The following ZC3H3 variants were observed in gnomAD, a reference collection of about 807,000 sequenced individuals.
The protein encoded by ZC3H3 is zinc finger CCCH domain-containing protein 3.
In ZC3H3, 36 loss-of-function variants were observed where a neutral mutation model predicts 77.3. The observed-to-expected ratio is 0.47, with a 90% CI of 0.36 to 0.61. The LOEUF (loss-of-function observed/expected upper bound fraction) is 0.61. Ranked by LOEUF, ZC3H3 falls within the 20% of genes least tolerant of loss-of-function variation. The probability of loss-of-function intolerance (pLI) is 0.00; values close to 1 mark genes in which losing one functional copy is unlikely to be tolerated. For missense variants in ZC3H3, 1,331 were observed against 1,312.2 expected (o/e 1.01, Z -0.22); for synonymous variants, 626 against 555.2 (o/e 1.13, Z -1.79).
chr8:143,511,903 C>G (rs1373286742), intron 3 of ZC3H3, among the ~76,000 whole-genome samples: 2 of 152,262 alleles, frequency 1.3e-5, no homozygotes, highest in Non-Finnish European at 2.9e-5. Flanking sequence ...TTCATCCCAG[C>G]TGGGGAGCGG....
rs781101838 is a variant in ZC3H3 at position 143,441,943 on chromosome 8, G to A, written c.2308-823C>T. Among the ~76,000 whole-genome samples the A allele has an allele frequency of 4.6e-5, 7 of 152,320 alleles. No homozygotes were observed. The East Asian group carries it at 9.6e-4, about 21-fold the overall frequency. On this transcript the variant is annotated intron_variant, in intron 9 of 11. Coordinates refer to ENST00000262577, the MANE Select transcript of ZC3H3 (RefSeq NM_015117.3). The stretch of plus-strand genomic sequence containing the variant: ...CTCTTCATGGGACTAAGCGACAGGC[G>A]TCCCCAATGTGAACTGTGACAAGCT...
At chr8:143,522,252 T>G (rs6991503) in intron 3 of ZC3H3, among the ~76,000 whole-genome samples, 4,243 of 152,240 alleles carry the variant, frequency 0.028, 179 homozygotes, top group African/African-American at 0.096. Flanking sequence ...CCACAGCACC[T>G]CACAGCACAG....
At chr8:143,445,227 C>A (rs888402764) in intron 9 of ZC3H3, among the ~76,000 whole-genome samples, 3 of 151,760 alleles carry the variant, frequency 2.0e-5, no homozygotes, top group African/African-American at 7.3e-5. Flanking sequence ...ACTAAAAATA[C>A]AAAATTAGCT....
intron 11 of ZC3H3, 32 bp from the exon 12 acceptor site, chr8:143,438,119 G>A (rs768580293): frequency 6.3e-7 from 1 of 1,595,488 alleles, no homozygotes; most frequent in South Asian, 1.1e-5. Context: ...TAGGTGCCCG[G>A]AAACCCCTGG....
At chr8:143,500,715 C>T (rs954870059) in intron 4 of ZC3H3, among the ~76,000 whole-genome samples, 15 of 152,174 alleles carry the variant, frequency 9.9e-5, no homozygotes, top group African/African-American at 3.4e-4. Flanking sequence ...TGATCAGGGG[C>T]CCCTCCCACC....
chr8:143,540,444 G>A (rs1822973254), intron 1 of ZC3H3, among the ~76,000 whole-genome samples: 1 of 152,118 alleles, frequency 6.6e-6, no homozygotes, highest in Admixed American at 6.5e-5. Flanking sequence ...TGCCCAGGAT[G>A]GTCTCAAACT....
intron 5 of ZC3H3, among the ~76,000 whole-genome samples, chr8:143,472,306 C>G (rs1820589624): frequency 6.6e-6 from 1 of 152,246 alleles, no homozygotes. Flanking sequence ...GAGGCAGAGG[C>G]CAGTCAGCAA....
chr8:143,512,610 G>A (rs896942), intron 3 of ZC3H3, among the ~76,000 whole-genome samples: 4,227 of 152,248 alleles, frequency 0.028, 174 homozygotes, highest in African/African-American at 0.096. Flanking sequence ...TAAAGAGAGG[G>A]CAGGAGGCCC....
At chr8:143,521,143 C>G (rs1468961770) in intron 3 of ZC3H3, among the ~76,000 whole-genome samples, 1 of 152,180 alleles carries the variant, frequency 6.6e-6, no homozygotes, top group Non-Finnish European at 1.5e-5. Context: ...AAGAAAACCA[C>G]GGCCACCCCA....
rs562187372 is a variant in ZC3H3 at position 143,493,783 on chromosome 8, G to A, written c.1715+13963C>T. 1.3e-5 allele frequency among the ~76,000 whole-genome samples: 2 copies of A among 152,296 alleles called. No individual in the cohort carries two copies. The highest frequency in any genetic ancestry group is 2.1e-4 in the South Asian group (1 of 4,828). ...TGCACTCCTTCCTTAATGAGCAGCC[G>A]AAGGGATCGGTAAGCATAATTTCAG... On this transcript the variant is annotated intron_variant, in intron 4 of 11. Transcript: ENST00000262577. The surrounding 1 kb of genome is among the most constrained non-coding windows in gnomAD (Gnocchi z 4.8).
At chr8:143,479,493 G>A (rs530235353) in intron 4 of ZC3H3, among the ~76,000 whole-genome samples, 33 of 152,294 alleles carry the variant, frequency 2.2e-4, no homozygotes, top group South Asian at 4.1e-4. Context: ...CCATCCGTCC[G>A]GCAGGCCCAC....
chr8:143,523,339 G>C lies in ZC3H3; in HGVS notation c.1561+12918C>G, dbSNP rs149354638. On this transcript the variant is annotated intron_variant, in intron 3 of 11. Coordinates refer to ENST00000262577, the MANE Select transcript of ZC3H3 (RefSeq NM_015117.3). Reference sequence around the variant, plus strand: ...TCACCTGCAGCGCCAGCGGCTCAGAGCCAGATGGGGGTCCCACAAGAGCAG... The same window carrying C: ...TCACCTGCAGCGCCAGCGGCTCAGACCCAGATGGGGGTCCCACAAGAGCAG... The C allele has an allele frequency of 4.6e-5, 45 of 985,454 alleles. No homozygotes were observed. The African/African-American group carries it at 6.1e-4, about 13-fold the overall frequency. 61.0% of individuals were successfully genotyped at this position (985,454 alleles called of 1,614,324 possible).
At chr8:143,499,118 T>C (rs897415238) in intron 4 of ZC3H3, among the ~76,000 whole-genome samples, 1 of 151,998 alleles carries the variant, frequency 6.6e-6, no homozygotes, top group African/African-American at 2.4e-5. Flanking sequence ...AAGCCCAAGG[T>C]TGCAAACACT....
chr8:143,472,542 G>T (rs1820598877), intron 5 of ZC3H3, among the ~76,000 whole-genome samples: 1 of 152,166 alleles, frequency 6.6e-6, no homozygotes, highest in African/African-American at 2.4e-5. Context: ...CCTCCCCAAA[G>T]CTCAGACCCT....
At chr8:143,499,396 C>T (rs433859) in intron 4 of ZC3H3, among the ~76,000 whole-genome samples, 4,241 of 152,168 alleles carry the variant, frequency 0.028, 179 homozygotes, top group African/African-American at 0.096. Context: ...CCCCAGGGCT[C>T]CCCGCCCCCT....
intron 4 of ZC3H3, among the ~76,000 whole-genome samples, chr8:143,475,878 C>G (rs1820720254): frequency 6.6e-6 from 1 of 152,200 alleles, no homozygotes; most frequent in South Asian, 2.1e-4. Flanking sequence ...AGGCTGGGAA[C>G]TCATGCGCCC....
At chr8:143,498,324 G>A (rs1394629640) in intron 4 of ZC3H3, among the ~76,000 whole-genome samples, 2 of 152,214 alleles carry the variant, frequency 1.3e-5, no homozygotes, top group Non-Finnish European at 2.9e-5. Flanking sequence ...AACCTGCAGG[G>A]CTGAGCCTTC....
intron 3 of ZC3H3, among the ~76,000 whole-genome samples, chr8:143,510,912 G>A (rs1300582688): frequency 6.6e-6 from 1 of 152,168 alleles, no homozygotes; most frequent in Admixed American, 6.5e-5. Flanking sequence ...CGATGCCCCG[G>A]CCCGCGTTAT....
At chr8:143,484,892 G>T (rs1017555595) in intron 4 of ZC3H3, 1 of 455,484 alleles carries the variant, frequency 2.2e-6, no homozygotes, top group Admixed American at 2.4e-5. Flanking sequence ...TCAGCTCCCT[G>T]GAAAGGCGTG....
Sources: gnomAD v4.1 joint callset for allele counts (sites outside exome capture counted in the v4.1 genomes callset) on GRCh38, gnomAD v4.1.1 for gene constraint, Gnocchi (gnomAD v3.1) non-coding constraint, MANE v1.5 for transcripts, NCBI Gene and HGNC (gene_info 2026-07-23, HGNC 2026-07-21) for gene names.